Variants in RASGRP2 observed in about 807,000 individuals in gnomAD.
RASGRP2 encodes RAS guanyl releasing protein 2.
In RASGRP2, 44 loss-of-function variants were observed where a neutral mutation model predicts 71.0. That is an observed-to-expected ratio of 0.62 (90% CI 0.49 to 0.80). The LOEUF is 0.80. Among genes scored for constraint, RASGRP2 ranks in the 30% least tolerant of loss-of-function variants. The pLI, the probability that RASGRP2 is intolerant of heterozygous loss-of-function variation, is 0.00. For synonymous variants in RASGRP2, 350 were observed against 330.7 expected, an observed-to-expected ratio of 1.06 and a Z score of -0.63; for missense variants, 663 against 813.4, an observed-to-expected ratio of 0.82 and a Z score of 2.25.
At chr11:64,740,236 A>C (rs750173309) in intron 5 of RASGRP2, 73 bp from the exon 6 acceptor site, 11 of 1,583,822 alleles carry the variant, frequency 6.9e-6, no homozygotes, top group Non-Finnish European at 9.5e-6. Flanking sequence ...ACACAGACAC[A>C]CCATTCACGC....
Position 64,744,063 on chromosome 11 carries a change from C to G in RASGRP2, c.-132G>C. On this transcript the variant is annotated 5_prime_UTR_variant, in exon 1 of 17. An upstream open reading frame in the 5' UTR loses its in-frame stop. Coordinates refer to ENST00000394432, the MANE Select transcript of RASGRP2 (RefSeq NM_001098671.2). ...GAGGTCGCCTCCTGGACGTGCTGTTCACTTGAGCCAGGCCAGCCTTGAGTC... is the reference window on the plus strand; with the variant it reads ...GAGGTCGCCTCCTGGACGTGCTGTTGACTTGAGCCAGGCCAGCCTTGAGTC... 1 of 988,380 alleles carries G rather than the reference C, an allele frequency of 1.0e-6. No individual in the cohort carries two copies. The highest frequency in any genetic ancestry group is 5.2e-4 in the Middle Eastern group (1 of 1,914). 61.2% of individuals were successfully genotyped at this position (988,380 alleles called of 1,614,324 possible). A position where few individuals can be genotyped will look rare whatever the true frequency, so the allele number is the denominator to read the frequency against.
At chr11:64,740,593 A>G in intron 5 of RASGRP2, 1 of 663,134 alleles carries the variant, frequency 1.5e-6, no homozygotes, top group Non-Finnish European at 2.8e-6. Context: ...CCGAACCCTC[A>G]GAGCCCACGG....
rs112908229 is a variant in RASGRP2, at chr11:64,736,004, C to G, written c.1096-24G>C. On this transcript the variant is annotated intron_variant, in intron 9 of 16. Coordinates refer to ENST00000394432, the MANE Select transcript of RASGRP2 (RefSeq NM_001098671.2). The stretch of plus-strand genomic sequence containing the variant: ...ACCTGGGACACACAGATCTGATCAC[C>G]CCCACTGGCCCCTGCCCACAGCCAC... 1.2e-5 allele frequency: 20 copies of G among 1,604,526 alleles called. No homozygotes were observed. The African/African-American group carries it at 2.0e-4, about 16-fold the overall frequency.
chr11:64,727,140 A>T lies in RASGRP2; in HGVS notation c.*7-9T>A. 1.5e-6 allele frequency: 1 copy of T among 654,522 alleles called. No individual in the cohort carries two copies. Among genetic ancestry groups the T allele is most frequent in the Non-Finnish European group, 2.8e-6 (1 of 358,022 alleles). The allele number at this position is 654,522 out of a possible 1,614,324, so 40.5% of individuals were successfully genotyped here. On this transcript the variant is annotated splice_polypyrimidine_tract_variant and intron_variant, in intron 16 of 16. Transcript: ENST00000394432. The stretch of plus-strand genomic sequence containing the variant: ...CCTTGATCCAACCACAGCTGGGAAG[A>T]GAAAAACAGGTTGTGAGGAAGACAC...
chr11:64,742,402 C>A lies in RASGRP2; in HGVS notation c.74-290G>T. ...CCTGGGTTCCCCGGGGTCAAGAATCCAGAGGTCATTTCCTGAGCGCTTGGG... is the reference window on the plus strand; with the variant it reads ...CCTGGGTTCCCCGGGGTCAAGAATCAAGAGGTCATTTCCTGAGCGCTTGGG... On this transcript the variant is annotated intron_variant, in intron 2 of 16. Coordinates refer to ENST00000394432, the MANE Select transcript of RASGRP2 (RefSeq NM_001098671.2). This position sits in a 1 kb window ranked among gnomAD's most constrained non-coding sequence, Gnocchi z 4.7. The A allele has an allele frequency of 1.7e-6, 1 of 576,588 alleles. No homozygotes were observed. The highest frequency in any genetic ancestry group is 3.1e-6 in the Non-Finnish European group (1 of 321,810). The allele number at this position is 576,588 out of a possible 1,614,324, so 35.7% of individuals were successfully genotyped here. A position where few individuals can be genotyped will look rare whatever the true frequency, so the allele number is the denominator to read the frequency against.
chr11:64,740,063 G>A lies in RASGRP2; in HGVS notation c.472C>T (p.Leu158=), dbSNP rs1206927088. 1.2e-6 allele frequency: 2 copies of A among 1,614,136 alleles called. No homozygotes were observed. Among genetic ancestry groups the A allele is most frequent in the Admixed American group, 3.3e-5 (2 of 60,028 alleles). ...TCCAAGTAGGTGAGATGCTCCGCCA[G>A]CTCCATGGGCTCCAGGTGGTCAAAC... The part of the protein sequence containing the change: ...LLFDHLEPME[L]AEHLTYLEYR... The change falls in exon 6 of 17, where the codon CTG becomes TTG. Residue 158 remains leucine (L), a synonymous_variant. Transcript: ENST00000394432.
chr11:64,736,003 C>G, intron 9 of RASGRP2, 23 bp from the exon 10 acceptor site: 3 of 1,603,634 alleles, frequency 1.9e-6, no homozygotes, highest in Non-Finnish European at 2.6e-6. Context: ...GATCTGATCA[C>G]CCCCACTGGC....
rs1032242975 is a variant in RASGRP2, at chr11:64,735,431, C to A, written c.1296+111G>T. 4.4e-6 allele frequency: 7 copies of A among 1,585,104 alleles called. No homozygotes were observed. Among genetic ancestry groups the A allele is most frequent in the Non-Finnish European group, 5.2e-6 (6 of 1,161,870 alleles). On this transcript the variant is annotated intron_variant, in intron 11 of 16. Transcript: ENST00000394432. This position sits in a 1 kb window ranked among gnomAD's most constrained non-coding sequence, Gnocchi z 4.2. ...AGCTGGCCTGCCAGGCCCTGTGACT[C>A]CTAGGGGCTGAGTGCTGGGTCTTGA...
chr11:64,742,171 T>G lies in RASGRP2; in HGVS notation c.74-59A>C. 1.5e-6 allele frequency: 2 copies of G among 1,348,100 alleles called. No homozygotes were observed. Among genetic ancestry groups the G allele is most frequent in the Non-Finnish European group, 1.0e-6 (1 of 962,094 alleles). 83.5% of individuals were successfully genotyped at this position (1,348,100 alleles called of 1,614,324 possible). ...CTGGGTCCGCAGCTACCATGCCTCA[T>G]CCTCACCCCGCAACCCGCCAGGTAT... On this transcript the variant is annotated intron_variant, in intron 2 of 16. Transcript: ENST00000394432. This position sits in a 1 kb window ranked among gnomAD's most constrained non-coding sequence, Gnocchi z 4.7.
intron 15 of RASGRP2, 109 bp from the exon 16 acceptor site, chr11:64,727,469 C>G: frequency 1.0e-6 from 1 of 959,338 alleles, no homozygotes; most frequent in Non-Finnish European, 1.6e-6. Context: ...CAGACCCACC[C>G]ACCAAAAATC....
In RASGRP2 at chr11:64,740,144, G is replaced by A. The variant is rs368390509; in HGVS notation, c.391C>T (p.Arg131Trp). 106 of 1,613,988 alleles carry A rather than the reference G, an allele frequency of 6.6e-5. No homozygotes were observed. The highest frequency in any genetic ancestry group is 8.0e-5 in the Non-Finnish European group (94 of 1,180,034). ...ACAGGGTTCCGCTGAGTCACCTGCC[G>A]CTTCCACTTGTAGGTAGGGCTGGGG... ...IDSVPTYKWK[R>W]QVTQRNPVGQ... is the part of the protein sequence containing the mutation. The change falls in exon 6 of 17, where the codon CGG becomes TGG. Residue 131 changes from arginine (R) to tryptophan (W), a missense_variant. By Grantham distance (101) the Arg-to-Trp change is moderately radical. Transcript: ENST00000394432.
rs1038362203 is a variant in RASGRP2 at position 64,739,158 on chromosome 11, T to G, written c.813+202A>C. On this transcript the variant is annotated intron_variant, in intron 8 of 16. Coordinates refer to ENST00000394432, the MANE Select transcript of RASGRP2 (RefSeq NM_001098671.2). The surrounding 1 kb of genome is among the most constrained non-coding windows in gnomAD (Gnocchi z 4.2). The stretch of plus-strand genomic sequence containing the variant: ...CCTGTCTTAAAAAAAAAAAAAAAAG[T>G]ACTAGCTTTGGGGTCCCTGACGACC... 6.8e-6 allele frequency among the ~76,000 whole-genome samples: 1 copy of G among 147,498 alleles called. No homozygotes were observed. Among genetic ancestry groups the G allele is most frequent in the Non-Finnish European group, 1.5e-5 (1 of 67,052 alleles).
At chr11:64,740,417 C>T in intron 5 of RASGRP2, 2 of 674,398 alleles carry the variant, frequency 3.0e-6, no homozygotes, top group Non-Finnish European at 2.8e-6. Flanking sequence ...ATGAGTAAGA[C>T]ACGGTTCCTG....
rs770760594 is a variant in RASGRP2, at chr11:64,728,917, G to A, written c.1717C>T (p.Arg573Cys). The change falls in exon 15 of 17, where the codon CGC becomes TGC. Residue 573 changes from arginine to cysteine, a missense_variant. By Grantham distance (180) the Arg-to-Cys change is radical. Coordinates refer to ENST00000394432, the MANE Select transcript of RASGRP2 (RefSeq NM_001098671.2). ...CGGGGCAGAGAGAAGCTGAAGGCGC[G>A]GTGATGGTGGCTGTGCATGGGTGAG... is the stretch of plus-strand genomic sequence containing the variant. Reference protein sequence around the residue: ...SPSPMHSHHHRAFSFSLPRPG... With the variant: ...SPSPMHSHHHCAFSFSLPRPG... 42 of 1,613,044 alleles carry A rather than the reference G, an allele frequency of 2.6e-5. No individual in the cohort carries two copies. The highest frequency in any genetic ancestry group is 4.0e-5 in the African/African-American group (3 of 74,942).
intron 12 of RASGRP2, among the ~76,000 whole-genome samples, chr11:64,733,760 C>T (rs1021783249): frequency 3.3e-5 from 5 of 152,130 alleles, no homozygotes; most frequent in Non-Finnish European, 7.3e-5. Flanking sequence ...AATCCACATA[C>T]TGCCAAGCTT....
At chr11:64,732,681 T>C (rs1452178706) in intron 12 of RASGRP2, among the ~76,000 whole-genome samples, 1 of 151,706 alleles carries the variant, frequency 6.6e-6, no homozygotes, top group Non-Finnish European at 1.5e-5. Context: ...CTCCGGAGGC[T>C]GAGGCAGGAG....
intron 15 of RASGRP2, 146 bp from the exon 16 acceptor site, chr11:64,727,506 A>ATTT (rs34854951): frequency 9.9e-5 from 32 of 323,758 alleles, no homozygotes; most frequent in Middle Eastern, 8.9e-4. Context: ...TCACAGCCCA[A>ATTT]TTTTTTTTTT....
rs2058186672 is a variant in RASGRP2, at chr11:64,742,989, G to A, written c.-71-52C>T. On this transcript the variant is annotated intron_variant, in intron 1 of 16. Coordinates refer to ENST00000394432, the MANE Select transcript of RASGRP2 (RefSeq NM_001098671.2). This position sits in a 1 kb window ranked among gnomAD's most constrained non-coding sequence, Gnocchi z 4.7. ...TCTGCGGAGTCGCGGGCGGGGGAGC[G>A]GCCCCGCGGGCAGAAACGGGGCGGG... 2.0e-6 allele frequency: 3 copies of A among 1,502,910 alleles called. No individual in the cohort carries two copies. Among genetic ancestry groups the A allele is most frequent in the South Asian group, 2.5e-5 (2 of 80,474 alleles). 93.1% of individuals were successfully genotyped at this position (1,502,910 alleles called of 1,614,324 possible).
At chr11:64,729,332 G>A (rs987038480) in intron 14 of RASGRP2, among the ~76,000 whole-genome samples, 3 of 92,736 alleles carry the variant, frequency 3.2e-5, no homozygotes, top group African/African-American at 1.2e-4. Flanking sequence ...TGGTTTTGGG[G>A]GTTTTTTTGT....
Sources: allele counts gnomAD v4.1 joint callset (sites outside exome capture counted in the v4.1 genomes callset), GRCh38; gene constraint gnomAD v4.1.1; non-coding constraint Gnocchi (gnomAD v3.1); transcripts MANE v1.5; gene names NCBI Gene and HGNC (gene_info 2026-07-23, HGNC 2026-07-21).